SIPA1L3: variants seen among roughly 807,000 people sequenced by gnomAD.
SIPA1L3 encodes the protein signal-induced proliferation-associated 1-like protein 3.
Under a neutral mutation model 150.1 loss-of-function variants are expected in SIPA1L3, and 59 were observed. The ratio of observed to expected loss-of-function variants is 0.39; its 90% CI spans 0.32 to 0.49. SIPA1L3 has a LOEUF of 0.49. Among genes scored for constraint, SIPA1L3 ranks in the 20% least tolerant of loss-of-function variants. The pLI is 0.86. For synonymous variants in SIPA1L3, 1,070 were observed against 1,077.6 expected (o/e 0.99, Z 0.14); for missense variants, 2,211 against 2,489.5 (o/e 0.89, Z 2.38).
intron 1 of SIPA1L3, among the ~76,000 whole-genome samples, chr19:38,017,923 C>T (rs1968275518): frequency 6.6e-6 from 1 of 151,668 alleles, no homozygotes. Flanking sequence ...CCCCTGCTTC[C>T]CATCACACTA....
intron 2 of SIPA1L3, among the ~76,000 whole-genome samples, chr19:38,055,289 G>A (rs1197162012): frequency 1.3e-5 from 2 of 152,152 alleles, no homozygotes; most frequent in Non-Finnish European, 2.9e-5. Flanking sequence ...CGCCACTGTT[G>A]GGGGGTGCAG....
intron 13 of SIPA1L3, among the ~76,000 whole-genome samples, chr19:38,157,944 A>G (rs1298299684): frequency 6.6e-6 from 1 of 152,188 alleles, no homozygotes; most frequent in African/African-American, 2.4e-5. Flanking sequence ...AATGCCGAGT[A>G]TGAAGTGGAA....
chr19:38,064,248 G>A (rs923324699), intron 2 of SIPA1L3, among the ~76,000 whole-genome samples: 4 of 152,190 alleles, frequency 2.6e-5, no homozygotes, highest in Admixed American at 1.3e-4. Flanking sequence ...TCAGAGGGGC[G>A]CCCCACCCGG....
At chr19:37,921,076 G>A (rs1049434738) in intron 1 of SIPA1L3, among the ~76,000 whole-genome samples, 6 of 152,204 alleles carry the variant, frequency 3.9e-5, no homozygotes, top group Non-Finnish European at 8.8e-5. Flanking sequence ...AGTCTTTGGT[G>A]TGCCCACAGC....
At chr19:38,126,248 A>G (rs1191003556) in intron 9 of SIPA1L3, among the ~76,000 whole-genome samples, 1 of 152,134 alleles carries the variant, frequency 6.6e-6, no homozygotes, top group Non-Finnish European at 1.5e-5. Context: ...AAGAGCTTAA[A>G]AGGGGGGTGT....
At chr19:37,997,568 T>TAAAA (rs71177495) in intron 1 of SIPA1L3, among the ~76,000 whole-genome samples, 5 of 83,878 alleles carry the variant, frequency 6.0e-5, no homozygotes, top group Non-Finnish European at 6.3e-5. Context: ...ACTGTCTCAT[T>TAAAA]AAAAAAAAAA....
At chr19:38,192,750 T>G (rs1009020001) in intron 17 of SIPA1L3, among the ~76,000 whole-genome samples, 4 of 151,908 alleles carry the variant, frequency 2.6e-5, no homozygotes, top group African/African-American at 9.7e-5. Flanking sequence ...CCACTTCCCT[T>G]CCCCTCCCAG....
chr19:38,043,622 C>T (rs1459340427), intron 2 of SIPA1L3, among the ~76,000 whole-genome samples: 1 of 152,190 alleles, frequency 6.6e-6, no homozygotes, highest in East Asian at 1.9e-4. Context: ...AAGCACTTAG[C>T]CTAGTACCTG....
At chr19:38,076,192 A>G (rs943983691) in intron 2 of SIPA1L3, among the ~76,000 whole-genome samples, 4 of 152,010 alleles carry the variant, frequency 2.6e-5, no homozygotes, top group African/African-American at 9.7e-5. Flanking sequence ...TAAAAATAAA[A>G]TGTTAGGTAT....
intron 2 of SIPA1L3, among the ~76,000 whole-genome samples, chr19:38,034,317 G>A (rs374885142): frequency 2.0e-4 from 31 of 152,250 alleles, no homozygotes; most frequent in African/African-American, 6.7e-4. Context: ...TGCCGTAAGC[G>A]CCTCACGTGC....
chr19:38,096,984 A>G (rs935566503), intron 4 of SIPA1L3, among the ~76,000 whole-genome samples: 1 of 152,224 alleles, frequency 6.6e-6, no homozygotes, highest in Admixed American at 6.5e-5. Flanking sequence ...GTAAAACGTC[A>G]GCCTCTCGCA....
chr19:38,157,166 TA>T (rs1403437061), intron 13 of SIPA1L3, among the ~76,000 whole-genome samples: 1 of 151,596 alleles, frequency 6.6e-6, no homozygotes, highest in Non-Finnish European at 1.5e-5. Flanking sequence ...CTCAATAAAA[TA>T]AAAAAATAAA....
intron 1 of SIPA1L3, among the ~76,000 whole-genome samples, chr19:38,025,076 T>TC (rs1423391196): frequency 1.3e-5 from 2 of 152,052 alleles, no homozygotes. Flanking sequence ...TCCTCAGCAG[T>TC]CCCCCTGCCT....
intron 1 of SIPA1L3, among the ~76,000 whole-genome samples, chr19:38,006,816 A>G (rs1353797956): frequency 1.3e-5 from 2 of 152,164 alleles, no homozygotes; most frequent in South Asian, 2.1e-4. Flanking sequence ...TCACCTACAC[A>G]TGTTCCCAAG....
In SIPA1L3 at chr19:38,198,414, G is replaced by T; in HGVS notation, c.4866G>T (p.Ser1622=). 5.1e-6 allele frequency: 8 copies of T among 1,583,780 alleles called. No homozygotes were observed. The highest frequency in any genetic ancestry group is 6.9e-6 in the Non-Finnish European group (8 of 1,166,930). ...CCACCATCTCAGCCTCGGAGCTCTCGCTGGCTGATGGGCGGGACCGCCCCC... is the reference window on the plus strand; with the variant it reads ...CCACCATCTCAGCCTCGGAGCTCTCTCTGGCTGATGGGCGGGACCGCCCCC... The part of the protein sequence containing the change: ...KKSTISASEL[S]LADGRDRPLR... The change falls in exon 19 of 22, where the codon TCG becomes TCT. Residue 1622 remains serine (S), a synonymous_variant. Transcript: ENST00000222345.
Position 38,162,309 on chromosome 19 carries a change from G to A in SIPA1L3, c.3718G>A (p.Gly1240Arg), listed in dbSNP as rs775139081. 11 of 1,614,244 alleles carry A rather than the reference G, an allele frequency of 6.8e-6. No individual in the cohort carries two copies. The highest frequency in any genetic ancestry group is 5.0e-5 in the Admixed American group (3 of 60,034). ...ARLSAIAGSS[G>R]NKHPSRQDAA... The stretch of plus-strand genomic sequence containing the variant: ...GCTCTCAGCCATAGCCGGAAGCAGC[G>A]GGAACAAGCACCCGTCCAGGCAGGA... The change falls in exon 14 of 22, where the codon GGG becomes AGG. Residue 1240 changes from glycine (G) to arginine (R), a missense_variant. By Grantham distance (125) the Gly-to-Arg change is moderately radical (BLOSUM62 -2). Coordinates refer to ENST00000222345, the MANE Select transcript of SIPA1L3 (RefSeq NM_015073.3).
intron 2 of SIPA1L3, among the ~76,000 whole-genome samples, chr19:38,077,453 A>C (rs1471132580): frequency 6.6e-6 from 1 of 151,752 alleles, no homozygotes; most frequent in Non-Finnish European, 1.5e-5. Context: ...CCTGTCTCTA[A>C]AAAAAATAAT....
intron 1 of SIPA1L3, among the ~76,000 whole-genome samples, chr19:37,982,818 C>T (rs76051190): frequency 0.033 from 5,086 of 152,226 alleles, 123 homozygotes; most frequent in Non-Finnish European, 0.054. Context: ...TGGGCTTTCC[C>T]GGTGTGACCT....
At chr19:38,155,459 TC>T (rs1014886196) in intron 13 of SIPA1L3, among the ~76,000 whole-genome samples, 1 of 152,208 alleles carries the variant, frequency 6.6e-6, no homozygotes, top group Non-Finnish European at 1.5e-5. Flanking sequence ...CAATGTGTCT[TC>T]CCCATTATTA....
Sources: allele counts gnomAD v4.1 joint callset (sites outside exome capture counted in the v4.1 genomes callset), GRCh38; gene constraint gnomAD v4.1.1; transcripts MANE v1.5; gene names NCBI Gene and HGNC (gene_info 2026-07-23, HGNC 2026-07-21).